The following PRKG1 variants were observed in gnomAD, a reference collection of about 807,000 sequenced individuals.
PRKG1 encodes protein kinase cGMP-dependent 1.
Under a neutral mutation model 88.1 loss-of-function variants are expected in PRKG1, and 35 were observed. The observed-to-expected ratio is 0.40, with a 90% CI of 0.30 to 0.53. The LOEUF (loss-of-function observed/expected upper bound fraction) is 0.53, where lower values mean the gene tolerates loss of function less well. PRKG1 is among the 20% of genes least tolerant of loss of function. The pLI is 0.59. For synonymous variants in PRKG1, 303 were observed against 292.5 expected, an observed-to-expected ratio of 1.04 and a Z score of -0.37; for missense variants, 540 against 839.8, an observed-to-expected ratio of 0.64 and a Z score of 4.41.
At chr10:51,977,620 C>T (rs1405892275) in intron 5 of PRKG1, among the ~76,000 whole-genome samples, 1 of 152,054 alleles carries the variant, frequency 6.6e-6, no homozygotes, top group Non-Finnish European at 1.5e-5. Flanking sequence ...TCTACAACCA[C>T]ACCAGCACCT....
At chr10:51,593,146 G>A (rs907077103) in intron 3 of PRKG1, among the ~76,000 whole-genome samples, 1 of 152,146 alleles carries the variant, frequency 6.6e-6, no homozygotes. Flanking sequence ...CCATTTGGAG[G>A]TCTCTTCTAA....
chr10:51,920,418 T>A (rs1036528584), intron 5 of PRKG1, among the ~76,000 whole-genome samples: 1 of 152,176 alleles, frequency 6.6e-6, no homozygotes, highest in African/African-American at 2.4e-5. Context: ...CTGATAGCCA[T>A]CTTGCCGATT....
rs183585542 is a variant in PRKG1 at position 51,020,066 on chromosome 10, C to T, written c.266+28422C>T. ...TTGTTGCTGGGAATGTAAAATGGAA[C>T]AGCCGCTAAGGAAAATAGTATGATG... On this transcript the variant is annotated intron_variant, in intron 1 of 17. Transcript: ENST00000401604. 1.6e-3 allele frequency among the ~76,000 whole-genome samples: 242 copies of T among 152,288 alleles called. 1 individual carries two copies. Among genetic ancestry groups the T allele is most frequent in the African/African-American group, 5.8e-3 (239 of 41,560 alleles).
intron 7 of PRKG1, among the ~76,000 whole-genome samples, chr10:52,098,836 A>C (rs1217409736): frequency 6.6e-6 from 1 of 152,148 alleles, no homozygotes; most frequent in East Asian, 1.9e-4. Context: ...AGTGGGTGAG[A>C]AATGTGTTCA....
intron 2 of PRKG1, among the ~76,000 whole-genome samples, chr10:51,304,725 C>T (rs1488393714): frequency 6.8e-6 from 1 of 147,050 alleles, no homozygotes; most frequent in Non-Finnish European, 1.5e-5. Flanking sequence ...TGAGTGAGAA[C>T]ATGCGGTGTT....
At chr10:51,795,190 G>A (rs1337740093) in intron 3 of PRKG1, among the ~76,000 whole-genome samples, 2 of 152,004 alleles carry the variant, frequency 1.3e-5, no homozygotes, top group African/African-American at 2.4e-5. Context: ...TTTCTACAAG[G>A]TATGACGTCA....
At chr10:51,365,247 C>G (rs557981213) in intron 2 of PRKG1, among the ~76,000 whole-genome samples, 1 of 152,008 alleles carries the variant, frequency 6.6e-6, no homozygotes, top group East Asian at 1.9e-4. Context: ...TTTCACCACT[C>G]ATCATCATTA....
intron 5 of PRKG1, among the ~76,000 whole-genome samples, chr10:51,919,386 A>T (rs1490931812): frequency 1.3e-5 from 2 of 152,166 alleles, no homozygotes; most frequent in Non-Finnish European, 2.9e-5. Context: ...TCCCTTAATT[A>T]TTATGAGATT....
chr10:51,666,653 A>C (rs367802307), intron 3 of PRKG1, among the ~76,000 whole-genome samples: 2 of 152,218 alleles, frequency 1.3e-5, no homozygotes, highest in African/African-American at 2.4e-5. Context: ...TTCATATCAT[A>C]AATCCACCCA....
intron 1 of PRKG1, among the ~76,000 whole-genome samples, chr10:51,065,536 A>T (rs569578091): frequency 7.9e-5 from 12 of 152,176 alleles, no homozygotes; most frequent in Admixed American, 7.9e-4. Flanking sequence ...CCTCTGATAT[A>T]TTTGATTTGT....
chr10:52,117,175 T>A (rs1227339763), intron 7 of PRKG1, among the ~76,000 whole-genome samples: 2 of 150,648 alleles, frequency 1.3e-5, no homozygotes, highest in South Asian at 2.1e-4. Context: ...TGTGTGTGTG[T>A]GTGTGTGTGT....
chr10:52,187,721 T>C (rs1839234319), intron 9 of PRKG1, among the ~76,000 whole-genome samples: 1 of 152,210 alleles, frequency 6.6e-6, no homozygotes, highest in African/African-American at 2.4e-5. Flanking sequence ...CTCGTTGACA[T>C]GATAACTAAT....
intron 3 of PRKG1, among the ~76,000 whole-genome samples, chr10:51,770,544 G>A (rs1042221679): frequency 7.9e-5 from 12 of 152,244 alleles, no homozygotes; most frequent in African/African-American, 1.9e-4. Context: ...CTTAGGAACC[G>A]GACTGCACAG....
rs575582965 is a variant in PRKG1, at chr10:51,834,778, G to A, written c.698+30088G>A. Among the ~76,000 whole-genome samples the A allele has an allele frequency of 2.2e-4, 34 of 151,898 alleles. No individual in the cohort carries two copies. The South Asian group carries it at 6.3e-3, about 28-fold the overall frequency. On this transcript the variant is annotated intron_variant, in intron 4 of 17. Transcript: ENST00000373980. ...AAGGAAAAGAAAAGAAAAAAGAAAA[G>A]AAAAGAAAGTGAGGGTATGAAAGAG...
intron 3 of PRKG1, among the ~76,000 whole-genome samples, chr10:51,468,393 C>T (rs1447788785): frequency 6.6e-6 from 1 of 151,796 alleles, no homozygotes; most frequent in African/African-American, 2.4e-5. Context: ...ACTGATTGAG[C>T]TTATTTTAAA....
rs538636356 is a variant in PRKG1, at chr10:51,671,342, C to T, written c.593-133243C>T. On this transcript the variant is annotated intron_variant, in intron 3 of 17. Transcript: ENST00000373980. Reference sequence around the variant, plus strand: ...CCACAAACTGGGTGGCTTAAAATGACAGAAATGTATTCTCACAGTTCTGAA... The same window carrying T: ...CCACAAACTGGGTGGCTTAAAATGATAGAAATGTATTCTCACAGTTCTGAA... Among the ~76,000 whole-genome samples the T allele has an allele frequency of 3.9e-4, 60 of 152,260 alleles. 1 individual carries two copies. The highest frequency in any genetic ancestry group is 1.3e-3 in the African/African-American group (56 of 41,548).
Position 51,670,225 on chromosome 10 carries a change from A to G in PRKG1, c.593-134360A>G, listed in dbSNP as rs551429090. Among the ~76,000 whole-genome samples the G allele has an allele frequency of 1.2e-4, 19 of 152,096 alleles. No homozygotes were observed. The South Asian group carries it at 3.1e-3, about 25-fold the overall frequency. The stretch of plus-strand genomic sequence containing the variant: ...TGGCCTATATTTTTTATCCAAATTT[A>G]CCACTTGAAACAGCCCATAGTATAT... On this transcript the variant is annotated intron_variant, in intron 3 of 17. Coordinates refer to ENST00000373980, the MANE Select transcript of PRKG1 (RefSeq NM_006258.4).
intron 3 of PRKG1, among the ~76,000 whole-genome samples, chr10:51,575,466 T>G (rs1231877125): frequency 6.6e-6 from 1 of 151,970 alleles, no homozygotes; most frequent in Non-Finnish European, 1.5e-5. Context: ...ATTGAGATAT[T>G]CTTTCCAGAA....
intron 2 of PRKG1, among the ~76,000 whole-genome samples, chr10:51,328,604 C>T (rs1240899293): frequency 6.6e-6 from 1 of 152,100 alleles, no homozygotes; most frequent in African/African-American, 2.4e-5. Context: ...TTCATAATGG[C>T]TGTATTAATT....
Sources: gnomAD v4.1 joint callset for allele counts (sites outside exome capture counted in the v4.1 genomes callset) on GRCh38, gnomAD v4.1.1 for gene constraint, MANE v1.5 for transcripts, NCBI Gene and HGNC (gene_info 2026-07-23, HGNC 2026-07-21) for gene names.